ARHGEF4: variants seen among roughly 807,000 people sequenced by gnomAD.
The protein encoded by ARHGEF4 is APC-stimulated guanine nucleotide exchange factor 1.
ARHGEF4 carries 119 observed loss-of-function variants against 162.0 expected under a neutral mutation model. The observed-to-expected ratio is 0.73, with a 90% confidence interval of 0.63 to 0.86. The LOEUF (loss-of-function observed/expected upper bound fraction) is 0.86, where lower values mean the gene tolerates loss of function less well. ARHGEF4 is among the 40% of genes least tolerant of loss of function. ARHGEF4 has a pLI of 0.00. For missense variants in ARHGEF4, 2,488 were observed against 2,456.0 expected (o/e 1.01, Z -0.28); for synonymous variants, 1,014 against 979.9 (o/e 1.03, Z -0.65).
chr2:130,952,441 C>A (rs887522636), intron 4 of ARHGEF4, among the ~76,000 whole-genome samples: 1 of 152,032 alleles, frequency 6.6e-6, no homozygotes, highest in African/African-American at 2.4e-5. Context: ...TTATGACAAA[C>A]CCACAGCCAA....
chr2:130,846,578 G>A (rs1680978034), intron 1 of ARHGEF4, among the ~76,000 whole-genome samples: 1 of 152,224 alleles, frequency 6.6e-6, no homozygotes, highest in Non-Finnish European at 1.5e-5. Context: ...CGAGAGAGAA[G>A]GGACTTAGGG....
rs75936456 is a variant in ARHGEF4 at position 130,965,003 on chromosome 2, C to T, written c.3985+18368C>T. Among the ~76,000 whole-genome samples the T allele has an allele frequency of 3.3e-3, 498 of 152,360 alleles. 4 individuals are homozygous for T. The highest frequency in any genetic ancestry group is 0.011 in the African/African-American group (475 of 41,576). ...TGCTGACAGAATTATTTATATTTCA[C>T]TTCTTGCAAACATTCTCAAATATTG... On this transcript the variant is annotated intron_variant, in intron 4 of 13. Coordinates refer to ENST00000409359, the MANE Select transcript of ARHGEF4 (RefSeq NM_001367493.1).
At chr2:130,864,301 T>C (rs1682106734) in intron 1 of ARHGEF4, among the ~76,000 whole-genome samples, 2 of 152,276 alleles carry the variant, frequency 1.3e-5, no homozygotes, top group East Asian at 1.9e-4. Context: ...AAGAACTATA[T>C]TGCATGATTC....
rs552722577 is a variant in ARHGEF4, at chr2:130,927,780, C to G, written c.3553-3172C>G. Among the ~76,000 whole-genome samples the G allele has an allele frequency of 2.0e-5, 3 of 152,302 alleles. No homozygotes were observed. In the East Asian group the frequency reaches 5.8e-4, roughly 29 times the overall value. On this transcript the variant is annotated intron_variant, in intron 2 of 13. Transcript: ENST00000409359. ...ATCCCTAGCTGGTCTACTTTCTTCTCGCCACCATTCAGATGTCTTTGTTTT... is the reference window on the plus strand; with the variant it reads ...ATCCCTAGCTGGTCTACTTTCTTCTGGCCACCATTCAGATGTCTTTGTTTT...
intron 4 of ARHGEF4, among the ~76,000 whole-genome samples, chr2:130,966,009 G>A (rs1030417209): frequency 2.6e-5 from 4 of 152,160 alleles, no homozygotes; most frequent in African/African-American, 9.7e-5. Context: ...GTTGATGTGA[G>A]ACCCAGAAAC....
At chr2:130,864,256 AAAATAAT>A (rs1293522493) in intron 1 of ARHGEF4, among the ~76,000 whole-genome samples, 1 of 152,194 alleles carries the variant, frequency 6.6e-6, no homozygotes, top group African/African-American at 2.4e-5. Context: ...GATGAATCTC[AAAATAAT>A]TACGCCTAGT....
At chr2:130,888,184 T>C (rs1679635442) in intron 1 of ARHGEF4, among the ~76,000 whole-genome samples, 1 of 152,118 alleles carries the variant, frequency 6.6e-6, no homozygotes, top group Non-Finnish European at 1.5e-5. Context: ...TTTAAAAAAA[T>C]GCTTAGCAGG....
chr2:130,841,283 C>A (rs1680589304), intron 1 of ARHGEF4, among the ~76,000 whole-genome samples: 1 of 151,714 alleles, frequency 6.6e-6, no homozygotes, highest in Non-Finnish European at 1.5e-5. Context: ...CCAGGCTGGT[C>A]TCGAACTCCT....
At chr2:131,045,265 C>T (rs958017604) in intron 12 of ARHGEF4, 104 bp from the exon 13 acceptor site, 3 of 1,108,662 alleles carry the variant, frequency 2.7e-6, no homozygotes, top group South Asian at 1.5e-5. Flanking sequence ...ACTGAGTCCC[C>T]AGTACATGAT....
chr2:131,046,289 G>A lies in ARHGEF4; in HGVS notation c.*100G>A, dbSNP rs1419053826. The A allele has an allele frequency of 7.8e-7, 1 of 1,274,622 alleles. No homozygotes were observed. Among genetic ancestry groups the A allele is most frequent in the Non-Finnish European group, 1.1e-6 (1 of 921,292 alleles). The allele number at this position is 1,274,622 out of a possible 1,614,324, so 79.0% of individuals were successfully genotyped here. A position where few individuals can be genotyped will look rare whatever the true frequency, so the allele number is the denominator to read the frequency against. On this transcript the variant is annotated 3_prime_UTR_variant, in exon 14 of 14. Transcript: ENST00000409359. ...CGGCCTGGCCTTCCTCTGCCTGCAA[G>A]TGAGCAGGGATGGGCTGGGGAGTTG...
intron 4 of ARHGEF4, among the ~76,000 whole-genome samples, chr2:131,009,054 C>A (rs1253257566): frequency 6.6e-6 from 1 of 152,246 alleles, no homozygotes; most frequent in East Asian, 1.9e-4. Context: ...TTTGCCTGAG[C>A]AACTTCACTT....
chr2:130,964,045 G>A (rs2105198744), intron 4 of ARHGEF4: 1 of 497,174 alleles, frequency 2.0e-6, no homozygotes, highest in Non-Finnish European at 2.6e-6. Context: ...GCCCGCCTGC[G>A]TGCGGGCGCA....
At chr2:130,989,995 G>GGT (rs1190356726) in intron 4 of ARHGEF4, among the ~76,000 whole-genome samples, 1 of 152,230 alleles carries the variant, frequency 6.6e-6, no homozygotes, top group African/African-American at 2.4e-5. Context: ...CATCACTGAT[G>GGT]GTTATGATGT....
At chr2:130,936,188 T>C (rs1387699540) in intron 3 of ARHGEF4, among the ~76,000 whole-genome samples, 1 of 152,254 alleles carries the variant, frequency 6.6e-6, no homozygotes, top group Non-Finnish European at 1.5e-5. Flanking sequence ...GTTCTGTATA[T>C]GTCTGTTAGT....
At chr2:130,881,012 A>G (rs561534087) in intron 1 of ARHGEF4, among the ~76,000 whole-genome samples, 26 of 152,122 alleles carry the variant, frequency 1.7e-4, no homozygotes, top group African/African-American at 6.0e-4. Flanking sequence ...TCTTGTGAAG[A>G]TTAAATGAAA....
intron 4 of ARHGEF4, among the ~76,000 whole-genome samples, chr2:130,951,046 C>T (rs1683929196): frequency 1.3e-5 from 2 of 152,360 alleles, no homozygotes; most frequent in East Asian, 3.9e-4. Context: ...ACAGCTTCCT[C>T]ACTTCTCTCA....
chr2:130,864,771 G>T (rs1351700813), intron 1 of ARHGEF4, among the ~76,000 whole-genome samples: 2 of 152,316 alleles, frequency 1.3e-5, no homozygotes, highest in South Asian at 4.2e-4. Context: ...GTACAAACAT[G>T]TTCTAAGAGT....
chr2:131,044,626 C>T (rs376846678), intron 12 of ARHGEF4, 84 bp downstream of exon 12: 8 of 1,487,956 alleles, frequency 5.4e-6, no homozygotes, highest in South Asian at 2.7e-5. Context: ...GTCAGGAGAG[C>T]GCCGCTCAGC....
intron 3 of ARHGEF4, among the ~76,000 whole-genome samples, chr2:130,936,001 G>T (rs572397441): frequency 1.3e-5 from 2 of 152,246 alleles, no homozygotes; most frequent in East Asian, 3.9e-4. Context: ...GGAGGCAGAG[G>T]TTGCAGTGAG....
Sources: gnomAD v4.1 joint callset for allele counts (sites outside exome capture counted in the v4.1 genomes callset) on GRCh38, gnomAD v4.1.1 for gene constraint, MANE v1.5 for transcripts, NCBI Gene and HGNC (gene_info 2026-07-23, HGNC 2026-07-21) for gene names.